RNF216: variants seen among roughly 807,000 people sequenced by gnomAD.
The protein encoded by RNF216 is E3 ubiquitin-protein ligase RNF216.
In RNF216, 72 loss-of-function variants were observed where a neutral mutation model predicts 110.8. The observed-to-expected ratio is 0.65, with a 90% CI of 0.54 to 0.79. The LOEUF is 0.79. Among genes scored for constraint, RNF216 ranks in the 30% least tolerant of loss-of-function variants. RNF216 has a pLI of 0.00. For synonymous variants in RNF216, 495 were observed against 407.5 expected, an observed-to-expected ratio of 1.21 and a Z score of -2.59; for missense variants, 1,342 against 1,141.2, an observed-to-expected ratio of 1.18 and a Z score of -2.54.
chr7:5,664,727 C>T (rs1300435270), intron 13 of RNF216, among the ~76,000 whole-genome samples: 2 of 152,258 alleles, frequency 1.3e-5, no homozygotes, highest in Non-Finnish European at 2.9e-5. Context: ...CAGCATTCTC[C>T]TCTGCACTCC....
intron 13 of RNF216, among the ~76,000 whole-genome samples, chr7:5,654,177 G>C (rs1788584205): frequency 6.6e-6 from 1 of 152,216 alleles, no homozygotes; most frequent in South Asian, 2.1e-4. Context: ...GGTGGGCAAG[G>C]ACAGGTAGAA....
chr7:5,627,927 C>T (rs1298041260), intron 15 of RNF216, among the ~76,000 whole-genome samples: 1 of 152,100 alleles, frequency 6.6e-6, no homozygotes, highest in East Asian at 1.9e-4. Flanking sequence ...GTGATAAATC[C>T]CAGTGCTCCT....
chr7:5,706,670 C>T (rs1440078356), intron 13 of RNF216, among the ~76,000 whole-genome samples: 1 of 152,210 alleles, frequency 6.6e-6, no homozygotes, highest in East Asian at 1.9e-4. Context: ...AATAATGCTG[C>T]AATGAACACA....
intron 1 of RNF216, among the ~76,000 whole-genome samples, chr7:5,769,386 G>C (rs1415960953): frequency 1.3e-5 from 2 of 151,838 alleles, no homozygotes; most frequent in African/African-American, 4.8e-5. Context: ...GAAGTGTTGG[G>C]ATTACAGGCG....
intron 16 of RNF216, among the ~76,000 whole-genome samples, chr7:5,623,486 G>C (rs374622115): frequency 6.7e-6 from 1 of 149,400 alleles, no homozygotes; most frequent in Non-Finnish European, 1.5e-5. Context: ...TTTTTTAATA[G>C]ATGGGGTTTT....
At chr7:5,720,928 T>C (rs1271769249) in intron 9 of RNF216, 105 bp downstream of exon 9, 10 of 1,130,504 alleles carry the variant, frequency 8.8e-6, no homozygotes, top group Middle Eastern at 2.8e-4. Flanking sequence ...AATTTAACAG[T>C]CTGAAGAAAA....
chr7:5,748,936 G>A (rs1795190871), intron 3 of RNF216, among the ~76,000 whole-genome samples: 2 of 152,066 alleles, frequency 1.3e-5, no homozygotes, highest in South Asian at 4.1e-4. Flanking sequence ...GTGTCTCCGT[G>A]TCTATATATG....
intron 2 of RNF216, among the ~76,000 whole-genome samples, chr7:5,756,267 T>A (rs1795637269): frequency 6.6e-6 from 1 of 152,210 alleles, no homozygotes; most frequent in Non-Finnish European, 1.5e-5. Context: ...AATATGGAAC[T>A]GTGAGTCAAT....
intron 14 of RNF216, among the ~76,000 whole-genome samples, chr7:5,642,214 T>TC (rs1298250472): frequency 1.3e-5 from 2 of 150,432 alleles, no homozygotes; most frequent in African/African-American, 5.0e-5. Context: ...AAGGTTCTGT[T>TC]TTGTTTTTTT....
Position 5,622,825 on chromosome 7 carries a change from C to A in RNF216, c.*35G>T, listed in dbSNP as rs373733949. ...TCTCCATCCACACTCCTACCCCAAA[C>A]GGGCTTTGTGCTGCTCAATGGGGAT... On this transcript the variant is annotated 3_prime_UTR_variant, in exon 17 of 17. Transcript: ENST00000389902. 5.8e-6 allele frequency: 9 copies of A among 1,552,392 alleles called. No homozygotes were observed. The Admixed American group carries it at 1.6e-4, about 27-fold the overall frequency.
chr7:5,770,237 G>T (rs1007924111), intron 1 of RNF216, among the ~76,000 whole-genome samples: 1 of 151,682 alleles, frequency 6.6e-6, no homozygotes, highest in African/African-American at 2.4e-5. Context: ...CAAGGTGGGC[G>T]GATCGCCTGA....
At position 5,622,575 on chromosome 7, in the gene RNF216, T is replaced by G; in HGVS notation, c.*285A>C. On this transcript the variant is annotated 3_prime_UTR_variant, in exon 17 of 17. Transcript: ENST00000389902. ...GGGACCTGGTCTATGGCCTATGCCA[T>G]GGACAAGGCAGAAGGACTGCCGTTG... 1 of 421,866 alleles carries G rather than the reference T, an allele frequency of 2.4e-6. No homozygotes were observed. The allele number at this position is 421,866 out of a possible 1,614,324, so 26.1% of individuals were successfully genotyped here. A position where few individuals can be genotyped will look rare whatever the true frequency, so the allele number is the denominator to read the frequency against.
At chr7:5,698,396 C>CACACACACACACACACACACACACACAT (rs1791758804) in intron 13 of RNF216, among the ~76,000 whole-genome samples, 1 of 150,416 alleles carries the variant, frequency 6.6e-6, no homozygotes, top group Admixed American at 6.6e-5. Flanking sequence ...CACACACACA[C>CACACACACACACACACACACACACACAT]ACACACACAC....
chr7:5,768,392 C>CACACACACACACACACACACACACAG (rs1584611171), intron 1 of RNF216, among the ~76,000 whole-genome samples: 1 of 148,132 alleles, frequency 6.8e-6, no homozygotes, highest in Admixed American at 6.8e-5. Context: ...CACACACACA[C>CACACACACACACACACACACACACAG]AGCTTAAATT....
chr7:5,632,277 C>T (rs1787121375), intron 15 of RNF216, among the ~76,000 whole-genome samples: 1 of 152,232 alleles, frequency 6.6e-6, no homozygotes, highest in Admixed American at 6.5e-5. Flanking sequence ...CCCTCGAGGG[C>T]TGCAGTCTCT....
At chr7:5,665,740 A>T (rs1789467755) in intron 13 of RNF216, among the ~76,000 whole-genome samples, 1 of 152,170 alleles carries the variant, frequency 6.6e-6, no homozygotes. Flanking sequence ...TAGTAACTAC[A>T]AACAAAACTA....
intron 8 of RNF216, 80 bp from the exon 9 acceptor site, chr7:5,721,252 G>C: frequency 7.9e-7 from 1 of 1,265,640 alleles, no homozygotes; most frequent in South Asian, 1.3e-5. Context: ...ATTCTTCCCG[G>C]CCTCATCCTC....
At chr7:5,754,029 G>A (rs986644029) in intron 2 of RNF216, among the ~76,000 whole-genome samples, 1 of 151,662 alleles carries the variant, frequency 6.6e-6, no homozygotes, top group Non-Finnish European at 1.5e-5. Flanking sequence ...TGACCTAAAA[G>A]AAGAGAAGAA....
chr7:5,699,603 T>C (rs1424921922), intron 13 of RNF216, among the ~76,000 whole-genome samples: 2 of 152,236 alleles, frequency 1.3e-5, no homozygotes, highest in Admixed American at 6.5e-5. Context: ...CGGCTCTGCA[T>C]TACCAAGGAT....
Sources: gnomAD v4.1 joint callset for allele counts (sites outside exome capture counted in the v4.1 genomes callset) on GRCh38, gnomAD v4.1.1 for gene constraint, MANE v1.5 for transcripts, NCBI Gene and HGNC (gene_info 2026-07-23, HGNC 2026-07-21) for gene names.